Variants in C14orf39 observed in about 807,000 individuals in gnomAD.
C14orf39 encodes the protein chromosome 14 open reading frame 39, also known as protein SIX6OS1.
C14orf39 carries 66 observed loss-of-function variants against 85.6 expected under a neutral mutation model. The ratio of observed to expected loss-of-function variants is 0.77; its 90% CI spans 0.63 to 0.95. The LOEUF (loss-of-function observed/expected upper bound fraction) is 0.95. Ranked by LOEUF, C14orf39 falls within the 40% of genes least tolerant of loss-of-function variation. The probability of loss-of-function intolerance (pLI) is 0.00; values close to 1 mark genes in which losing one functional copy is unlikely to be tolerated. For missense variants in C14orf39, 735 were observed against 663.9 expected, an observed-to-expected ratio of 1.11 and a Z score of -1.18; for synonymous variants, 242 against 214.0, an observed-to-expected ratio of 1.13 and a Z score of -1.14.
chr14:60,485,216 G>A (rs776070876), intron 1 of C14orf39, 130 bp from the exon 2 acceptor site: 25 of 743,620 alleles, frequency 3.4e-5, no homozygotes, highest in Non-Finnish European at 4.9e-5. Flanking sequence ...ACTGGAAGAC[G>A]AGAGGCCCCC....
chr14:60,491,568 G>A lies in C14orf39; in HGVS notation c.-8-6482C>T, dbSNP rs570055116. Among the ~76,000 whole-genome samples, 54 of 152,198 alleles carry A rather than the reference G, an allele frequency of 3.5e-4. 1 individual carries two copies. The highest frequency in any genetic ancestry group is 6.8e-3 in the Middle Eastern group (2 of 294). On this transcript the variant is annotated intron_variant, in intron 2 of 5. Coordinates refer to the C14orf39 transcript ENST00000556799. This position sits in a 1 kb window ranked among gnomAD's most constrained non-coding sequence, Gnocchi z 4.5. ...TTTGTGCATACCAGAAACCTAGACCGTGACAACCTTCCTCTCCTATCATCC... is the reference window on the plus strand; with the variant it reads ...TTTGTGCATACCAGAAACCTAGACCATGACAACCTTCCTCTCCTATCATCC...
chr14:60,461,679 T>A, intron 11 of C14orf39, 86 bp from the exon 12 acceptor site: 1 of 657,318 alleles, frequency 1.5e-6, no homozygotes, highest in South Asian at 2.6e-5. Flanking sequence ...GAACTCTCAT[T>A]TCATTAGTAT....
rs1891819659 is a variant in C14orf39 at position 60,466,947 on chromosome 14, T to A, written c.865A>T (p.Lys289Ter). The change falls in exon 10 of 18, where the codon AAG becomes TAG. Residue 289 changes from lysine (K) to a stop codon, truncating the protein, a stop_gained. Coordinates refer to ENST00000321731, the MANE Select transcript of C14orf39 (RefSeq NM_174978.3). LOFTEE classifies it high-confidence loss of function. Reference sequence around the variant, plus strand: ...ACTCTTGGTTCTGAAGAATGCATCTTTATTGGTCTTACTAATTTCTGAGAT... The same window carrying A: ...ACTCTTGGTTCTGAAGAATGCATCTATATTGGTCTTACTAATTTCTGAGAT... ...YESQKLVRPI[K>*]MHSSEPRVAD... The A allele has an allele frequency of 2.0e-6, 3 of 1,477,312 alleles. No homozygotes were observed. The highest frequency in any genetic ancestry group is 2.7e-6 in the Non-Finnish European group (3 of 1,116,338). The allele number at this position is 1,477,312 out of a possible 1,614,324, so 91.5% of individuals were successfully genotyped here.
intron 1 of C14orf39, among the ~76,000 whole-genome samples, chr14:60,502,192 T>C (rs950792411): frequency 1.3e-5 from 2 of 152,186 alleles, no homozygotes; most frequent in Non-Finnish European, 2.9e-5. Context: ...CCTTCAGAAA[T>C]TGAGTATTGT....
chr14:60,501,596 C>G (rs1338744939), intron 1 of C14orf39, among the ~76,000 whole-genome samples: 1 of 152,166 alleles, frequency 6.6e-6, no homozygotes, highest in African/African-American at 2.4e-5. Context: ...TTAAGCCACT[C>G]AGTTTGTGGC....
chr14:60,462,921 A>G (rs375299502), intron 11 of C14orf39, among the ~76,000 whole-genome samples: 2 of 152,132 alleles, frequency 1.3e-5, no homozygotes, highest in African/African-American at 4.8e-5. Flanking sequence ...AGGAGAATAC[A>G]TGTCTCTATA....
At chr14:60,505,162 T>C (rs779476073) in intron 1 of C14orf39, among the ~76,000 whole-genome samples, 1 of 152,214 alleles carries the variant, frequency 6.6e-6, no homozygotes, top group East Asian at 1.9e-4. Flanking sequence ...CTCAGAAATA[T>C]ACAATTAAAG....
chr14:60,466,809 CAGTATTGTTTTT>C, intron 10 of C14orf39, 96 bp downstream of exon 10: 1 of 774,946 alleles, frequency 1.3e-6, no homozygotes, highest in South Asian at 3.4e-5. Context: ...TATAGGTCTC[CAGTATTGTTTTT>C]ACTTACACCA....
chr14:60,474,453 G>C (rs8008025), intron 5 of C14orf39, among the ~76,000 whole-genome samples: 7,997 of 41,554 alleles, frequency 0.19, 2,652 homozygotes, highest in African/African-American at 0.32. Flanking sequence ...TAGGAGTGGT[G>C]AGAGAGGGTA....
intron 11 of C14orf39, among the ~76,000 whole-genome samples, chr14:60,465,442 T>C (rs778543912): frequency 7.9e-5 from 12 of 152,084 alleles, no homozygotes; most frequent in Non-Finnish European, 1.3e-4. Flanking sequence ...TCACCTAAAC[T>C]TCCATATTCA....
At chr14:60,467,953 C>G (rs1368458233) in intron 9 of C14orf39, among the ~76,000 whole-genome samples, 3 of 149,872 alleles carry the variant, frequency 2.0e-5, no homozygotes, top group Non-Finnish European at 4.5e-5. Flanking sequence ...TTTTTTTTGG[C>G]CTCTATCACT....
chr14:60,472,544 C>A (rs1892145863), intron 5 of C14orf39, among the ~76,000 whole-genome samples: 1 of 152,166 alleles, frequency 6.6e-6, no homozygotes, highest in Non-Finnish European at 1.5e-5. Flanking sequence ...AATGCTATCT[C>A]TCCCTCCTAC....
intron 16 of C14orf39, among the ~76,000 whole-genome samples, chr14:60,442,755 T>C (rs986272696): frequency 6.6e-6 from 1 of 152,172 alleles, no homozygotes; most frequent in Non-Finnish European, 1.5e-5. Context: ...AGAAGTCACA[T>C]GTGAATAAAC....
intron 1 of C14orf39, among the ~76,000 whole-genome samples, chr14:60,499,941 T>C (rs919533523): frequency 6.6e-6 from 1 of 152,202 alleles, no homozygotes; most frequent in Non-Finnish European, 1.5e-5. Context: ...TTTTAAAAAA[T>C]GAGAAATTAT....
intron 1 of C14orf39, chr14:60,509,423 T>A: frequency 6.3e-7 from 1 of 1,599,554 alleles, no homozygotes; most frequent in Non-Finnish European, 8.5e-7. Flanking sequence ...CATCTTGAAT[T>A]TCAGCCCCCA....
intron 15 of C14orf39, 67 bp from the exon 16 acceptor site, chr14:60,455,212 A>G (rs1891214819): frequency 1.7e-6 from 2 of 1,144,076 alleles, no homozygotes; most frequent in African/African-American, 1.6e-5. Context: ...GGTAAGCATC[A>G]TAAGCAACAG....
Position 60,436,112 on chromosome 14 carries a change from T to A in C14orf39, c.*733A>T, listed in dbSNP as rs1416722155. 1 of 152,004 alleles carries A rather than the reference T, an allele frequency of 6.6e-6. No individual in the cohort carries two copies. Among genetic ancestry groups the A allele is most frequent in the Non-Finnish European group, 1.5e-5 (1 of 67,964 alleles). 9.4% of individuals were successfully genotyped at this position (152,004 alleles called of 1,614,324 possible). A position where few individuals can be genotyped will look rare whatever the true frequency, so the allele number is the denominator to read the frequency against. On this transcript the variant is annotated 3_prime_UTR_variant, in exon 18 of 18. Transcript: ENST00000321731. ...ATTGACAAATACTGAACACAAAACA[T>A]AAAGAAGAAATTTTTGTTATTGAAG... is the stretch of plus-strand genomic sequence containing the variant.
At chr14:60,463,204 CTTG>C (rs1163051060) in intron 11 of C14orf39, among the ~76,000 whole-genome samples, 1 of 151,928 alleles carries the variant, frequency 6.6e-6, no homozygotes, top group Non-Finnish European at 1.5e-5. Flanking sequence ...GGTCTGGCAT[CTTG>C]TTATGTTTAG....
chr14:60,461,400 T>C lies in C14orf39; in HGVS notation c.1071A>G (p.Pro357=), dbSNP rs375511105. The change falls in exon 13 of 18, where the codon CCA becomes CCG. Residue 357 remains proline (P), a synonymous_variant. Coordinates refer to ENST00000321731, the MANE Select transcript of C14orf39 (RefSeq NM_174978.3). The stretch of plus-strand genomic sequence containing the variant: ...ACTGATTGGAATTTGATTGTTTCTG[T>C]GGGGTTAACAATCTAAAATGGAATA... ...QKFMQVRLLT[P]QKQSNSNQWS... is the part of the protein sequence containing the mutation. 1.6e-4 allele frequency: 254 copies of C among 1,609,546 alleles called. No individual in the cohort carries two copies. The highest frequency in any genetic ancestry group is 2.0e-4 in the Non-Finnish European group (231 of 1,177,246).
Sources: allele counts gnomAD v4.1 joint callset (sites outside exome capture counted in the v4.1 genomes callset), GRCh38; gene constraint gnomAD v4.1.1; non-coding constraint Gnocchi (gnomAD v3.1); transcripts MANE v1.5; gene names NCBI Gene and HGNC (gene_info 2026-07-23, HGNC 2026-07-21).